Variants in LRP1B observed in about 807,000 individuals in gnomAD.
The protein encoded by LRP1B is LDL receptor related protein 1B, also known as low-density lipoprotein receptor-related protein 1B.
A neutral mutation model predicts 556.6 loss-of-function variants in LRP1B; 217 were observed. The ratio of observed to expected loss-of-function variants is 0.39; its 90% confidence interval spans 0.35 to 0.44. The LOEUF is 0.44. LRP1B is among the 20% of genes least tolerant of loss of function. LRP1B has a pLI of 1.00. For missense variants in LRP1B, 5,053 were observed against 5,620.8 expected, an observed-to-expected ratio of 0.90 and a Z score of 3.23; for synonymous variants, 2,047 against 1,865.8, an observed-to-expected ratio of 1.10 and a Z score of -2.50.
At chr2:142,057,471 C>G (rs1704719572) in intron 1 of LRP1B, among the ~76,000 whole-genome samples, 1 of 152,056 alleles carries the variant, frequency 6.6e-6, no homozygotes, top group African/African-American at 2.4e-5. Flanking sequence ...ACATCTGTAT[C>G]AAAGTCTAGT....
Position 140,457,668 on chromosome 2 carries a change from T to C in LRP1B, c.9626-17A>G. On this transcript the variant is annotated splice_polypyrimidine_tract_variant and intron_variant, in intron 60 of 90. Coordinates refer to ENST00000389484, the MANE Select transcript of LRP1B (RefSeq NM_018557.3). ...GATTAGGGACTGTAATAGGAGATGG[T>C]AAGATTAATGTTCAGTCTTGGAAGA... is the stretch of plus-strand genomic sequence containing the variant. 1 of 1,598,586 alleles carries C rather than the reference T, an allele frequency of 6.3e-7. No homozygotes were observed. The highest frequency in any genetic ancestry group is 8.6e-7 in the Non-Finnish European group (1 of 1,166,434).
intron 2 of LRP1B, among the ~76,000 whole-genome samples, chr2:141,580,347 C>G (rs1446604742): frequency 5.9e-5 from 9 of 152,164 alleles, no homozygotes; most frequent in Admixed American, 2.6e-4. Context: ...TTGGACGTAA[C>G]TAAACCCCAA....
At chr2:141,784,808 T>A (rs1044592939) in intron 2 of LRP1B, among the ~76,000 whole-genome samples, 1 of 152,030 alleles carries the variant, frequency 6.6e-6, no homozygotes, top group Non-Finnish European at 1.5e-5. Flanking sequence ...TGGTCTCTTA[T>A]ACCACTTTTT....
chr2:140,440,561 A>G (rs1332993082), intron 66 of LRP1B, among the ~76,000 whole-genome samples: 3 of 152,184 alleles, frequency 2.0e-5, no homozygotes, highest in Non-Finnish European at 2.9e-5. Flanking sequence ...ACATTTCTGT[A>G]TTTATTGAGG....
At chr2:140,716,270 T>G (rs1687206081) in intron 36 of LRP1B, among the ~76,000 whole-genome samples, 168 bp from the exon 37 acceptor site, 1 of 152,138 alleles carries the variant, frequency 6.6e-6, no homozygotes, top group African/African-American at 2.4e-5. Context: ...TAAACTAATA[T>G]GCAAATACTT....
chr2:142,130,807 G>T lies in LRP1B; in HGVS notation c.-78C>A, dbSNP rs1375610. The stretch of plus-strand genomic sequence containing the variant: ...GGCCCGGCGGCGGCGGCGGCGGCAG[G>T]GGCCGCTTGGAGCCTGGAATCGAGC... On this transcript the variant is annotated 5_prime_UTR_variant, in exon 1 of 91. Coordinates refer to ENST00000389484, the MANE Select transcript of LRP1B (RefSeq NM_018557.3). 1 of 1,193,662 alleles carries T rather than the reference G, an allele frequency of 8.4e-7. No individual in the cohort carries two copies. 73.9% of individuals were successfully genotyped at this position (1,193,662 alleles called of 1,614,324 possible).
chr2:141,161,629 G>A (rs1264266839), intron 7 of LRP1B, among the ~76,000 whole-genome samples: 1 of 152,112 alleles, frequency 6.6e-6, no homozygotes, highest in Non-Finnish European at 1.5e-5. Flanking sequence ...TTGTTGTATA[G>A]CAAATAGCTT....
chr2:140,718,374 A>AT (rs757427292), intron 35 of LRP1B, among the ~76,000 whole-genome samples: 2 of 151,878 alleles, frequency 1.3e-5, no homozygotes, highest in Admixed American at 6.6e-5. Context: ...ATTACCAAGC[A>AT]TTTTTTGTTC....
At chr2:140,748,136 T>TATATAAAA (rs1360430336) in intron 35 of LRP1B, among the ~76,000 whole-genome samples, 2 of 35,688 alleles carry the variant, frequency 5.6e-5, no homozygotes, top group African/African-American at 1.8e-4. Flanking sequence ...TATATATATA[T>TATATAAAA]AATTCATATA....
chr2:141,442,398 GTC>G (rs1681011548), intron 3 of LRP1B, among the ~76,000 whole-genome samples: 1 of 149,530 alleles, frequency 6.7e-6, no homozygotes, highest in Admixed American at 6.7e-5. Flanking sequence ...TTTCTGAAAG[GTC>G]TGTATGTTTT....
chr2:140,794,219 A>T (rs1239167585), intron 32 of LRP1B, among the ~76,000 whole-genome samples: 1 of 152,164 alleles, frequency 6.6e-6, no homozygotes, highest in African/African-American at 2.4e-5. Flanking sequence ...CATTTTGGTT[A>T]TATGGATAAT....
At chr2:141,549,951 C>T (rs973122605) in intron 2 of LRP1B, among the ~76,000 whole-genome samples, 27 of 152,130 alleles carry the variant, frequency 1.8e-4, no homozygotes, top group African/African-American at 6.3e-4. Context: ...GCCAAGGTTG[C>T]GCCACTGCGC....
At chr2:141,304,055 A>G (rs1318917825) in intron 3 of LRP1B, among the ~76,000 whole-genome samples, 1 of 152,092 alleles carries the variant, frequency 6.6e-6, no homozygotes, top group African/African-American at 2.4e-5. Context: ...GGTCATTTCT[A>G]TGTATTCTTT....
chr2:142,051,739 T>A (rs1321604905), intron 1 of LRP1B, among the ~76,000 whole-genome samples: 2 of 152,122 alleles, frequency 1.3e-5, no homozygotes, highest in African/African-American at 4.8e-5. Flanking sequence ...CCTCCCAAAG[T>A]GCTGGGATCA....
chr2:141,757,264 G>A (rs1694357046), intron 2 of LRP1B, among the ~76,000 whole-genome samples: 1 of 152,030 alleles, frequency 6.6e-6, no homozygotes, highest in Non-Finnish European at 1.5e-5. Context: ...CAAGTCATTG[G>A]TAATTTGATG....
chr2:140,884,701 T>TA (rs1035061570), intron 24 of LRP1B, among the ~76,000 whole-genome samples: 28 of 151,920 alleles, frequency 1.8e-4, no homozygotes, highest in Admixed American at 3.3e-4. Flanking sequence ...TTTCACAATT[T>TA]AAAAAAAAAT....
At chr2:140,859,529 C>A (rs995260838) in intron 27 of LRP1B, among the ~76,000 whole-genome samples, 2 of 151,948 alleles carry the variant, frequency 1.3e-5, no homozygotes, top group African/African-American at 4.8e-5. Context: ...TGTTAAACTA[C>A]TTTTTGAGAA....
chr2:140,700,252 T>C lies in LRP1B; in HGVS notation c.6797A>G (p.Glu2266Gly). The C allele has an allele frequency of 6.2e-7, 1 of 1,608,658 alleles. No homozygotes were observed. Among genetic ancestry groups the C allele is most frequent in the Admixed American group, 1.7e-5 (1 of 59,746 alleles). Residue 2266 changes from glutamate (E) to glycine (G), a missense_variant and splice_region_variant, in exon 41 of 91, where the codon GAA becomes GGA. Coordinates refer to ENST00000389484, the MANE Select transcript of LRP1B (RefSeq NM_018557.3). ...TAAAATTGAATTACTGTACTTACTT[T>C]CAACAATTACTTGTCTGTCTTCCCA... ...DNWEDRQVIVENVGSVEGLAY... is the reference protein window; with the variant it reads ...DNWEDRQVIVGNVGSVEGLAY...
chr2:140,238,117 T>G (rs201171619), intron 89 of LRP1B, 35 bp downstream of exon 89: 22 of 1,540,248 alleles, frequency 1.4e-5, no homozygotes, highest in Non-Finnish European at 1.6e-5. Context: ...TCAAGAATGT[T>G]AGTGCTCACT....
Sources: gnomAD v4.1 joint callset for allele counts (sites outside exome capture counted in the v4.1 genomes callset) on GRCh38, gnomAD v4.1.1 for gene constraint, MANE v1.5 for transcripts, NCBI Gene and HGNC (gene_info 2026-07-23, HGNC 2026-07-21) for gene names.